The following TRPC1 variants were observed in gnomAD, a reference collection of about 807,000 sequenced individuals.
TRPC1 encodes transient receptor potential cation channel subfamily C member 1, also known as short transient receptor potential channel 1.
Under a neutral mutation model 88.2 loss-of-function variants are expected in TRPC1, and 42 were observed. That is an observed-to-expected ratio of 0.48 (90% confidence interval 0.37 to 0.62). The LOEUF (loss-of-function observed/expected upper bound fraction) is 0.62, where lower values mean the gene tolerates loss of function less well. Among genes scored for constraint, TRPC1 ranks in the 20% least tolerant of loss-of-function variants. The probability of loss-of-function intolerance (pLI) is 0.00; values close to 1 mark genes in which losing one functional copy is unlikely to be tolerated. For missense variants in TRPC1, 699 were observed against 957.3 expected (o/e 0.73, Z 3.56); for synonymous variants, 288 against 331.8 (o/e 0.87, Z 1.43).
At chr3:142,785,781 G>A (rs967613435) in intron 7 of TRPC1, among the ~76,000 whole-genome samples, 1 of 152,144 alleles carries the variant, frequency 6.6e-6, no homozygotes, top group African/African-American at 2.4e-5. Context: ...TTATAGGCCT[G>A]AGCCACCGTG....
intron 1 of TRPC1, among the ~76,000 whole-genome samples, chr3:142,735,199 A>G (rs1183960167): frequency 1.3e-5 from 2 of 152,218 alleles, no homozygotes; most frequent in Admixed American, 6.5e-5. Flanking sequence ...AAGAAGTTGT[A>G]TGTGTGAGGC....
Position 142,806,216 on chromosome 3 carries a change from T to G in TRPC1, c.2363T>G (p.Met788Arg), listed in dbSNP as rs138274692. 9 of 1,602,472 alleles carry G rather than the reference T, an allele frequency of 5.6e-6. No individual in the cohort carries two copies. Among genetic ancestry groups the G allele is most frequent in the Non-Finnish European group, 6.8e-6 (8 of 1,171,196 alleles). ...LLGFRTSKYA[M>R]FYPRN is the part of the protein sequence containing the mutation. Reference sequence around the variant, plus strand: ...GGCTTTCGGACTTCTAAATATGCTATGTTTTATCCAAGAAATTAACCATTT... The same window carrying G: ...GGCTTTCGGACTTCTAAATATGCTAGGTTTTATCCAAGAAATTAACCATTT... The change falls in exon 13 of 13, where the codon ATG (methionine) becomes AGG (arginine). Residue 788 changes from methionine to arginine, a missense_variant. Transcript: ENST00000476941.
chr3:142,763,655 A>G (rs1353559234), intron 4 of TRPC1, among the ~76,000 whole-genome samples: 2 of 151,982 alleles, frequency 1.3e-5, no homozygotes, highest in Non-Finnish European at 2.9e-5. Flanking sequence ...TAATTGGACA[A>G]TTGAGACCAT....
At chr3:142,756,241 T>C (rs2108062814) in intron 4 of TRPC1, among the ~76,000 whole-genome samples, 1 of 152,356 alleles carries the variant, frequency 6.6e-6, no homozygotes, top group South Asian at 2.1e-4. Flanking sequence ...TTTTTATTTT[T>C]GTTGGGTAGA....
rs542372456 is a variant in TRPC1 at position 142,748,855 on chromosome 3, A to G, written c.632+395A>G. On this transcript the variant is annotated intron_variant, in intron 4 of 12. Transcript: ENST00000476941. Reference sequence around the variant, plus strand: ...CTAAGTATTGACCTTTTATGCCTCTATCTTCCCCTCTCACACAATGTTCAA... The same window carrying G: ...CTAAGTATTGACCTTTTATGCCTCTGTCTTCCCCTCTCACACAATGTTCAA... Among the ~76,000 whole-genome samples the G allele has an allele frequency of 3.3e-5, 5 of 152,322 alleles. No individual in the cohort carries two copies. The East Asian group carries it at 7.7e-4, about 23-fold the overall frequency.
intron 4 of TRPC1, among the ~76,000 whole-genome samples, chr3:142,751,296 C>G (rs1408009336): frequency 1.3e-5 from 2 of 152,058 alleles, no homozygotes; most frequent in African/African-American, 2.4e-5. Flanking sequence ...ACAGGTATAC[C>G]ATTTTTTAAT....
chr3:142,766,037 A>G (rs1200218008), intron 4 of TRPC1, among the ~76,000 whole-genome samples: 1 of 133,678 alleles, frequency 7.5e-6, no homozygotes. Context: ...ATTAAGAAGT[A>G]AAAAAAAAAA....
At chr3:142,744,829 T>C (rs2108038402) in intron 3 of TRPC1, among the ~76,000 whole-genome samples, 1 of 152,316 alleles carries the variant, frequency 6.6e-6, no homozygotes, top group Admixed American at 6.5e-5. Context: ...TGTTTTTTAA[T>C]CAAATTTTAA....
At chr3:142,728,384 T>C (rs1007683118) in intron 1 of TRPC1, among the ~76,000 whole-genome samples, 18 of 150,296 alleles carry the variant, frequency 1.2e-4, no homozygotes, top group African/African-American at 4.2e-4. Flanking sequence ...CAGGCTGGAG[T>C]GCAGTGCAAC....
chr3:142,732,419 T>A (rs1396781135), intron 1 of TRPC1, among the ~76,000 whole-genome samples: 23 of 152,138 alleles, frequency 1.5e-4, no homozygotes. Flanking sequence ...CACTTAAGTG[T>A]TTTGTTCAAG....
rs1423190704 is a variant in TRPC1, at chr3:142,784,775, C to T, written c.1032C>T (p.Arg344=). Residue 344 remains arginine (R), a synonymous_variant, in exon 7 of 13, where the codon CGC becomes CGT. Coordinates refer to ENST00000476941, the MANE Select transcript of TRPC1 (RefSeq NM_001251845.2). ...VWFGQMSGYR[R]KPTCKKIMTV... is the part of the protein sequence containing the mutation. ...TTGGACAGATGTCGGGTTACCGACG[C>T]AAGCCCACCTGTAAGAAGATAATGA... is the stretch of plus-strand genomic sequence containing the variant. The T allele has an allele frequency of 1.9e-6, 3 of 1,614,158 alleles. No individual in the cohort carries two copies. Among genetic ancestry groups the T allele is most frequent in the Non-Finnish European group, 2.5e-6 (3 of 1,180,008 alleles).
intron 2 of TRPC1, among the ~76,000 whole-genome samples, chr3:142,742,933 C>G (rs564670838): frequency 6.6e-6 from 1 of 152,264 alleles, no homozygotes; most frequent in South Asian, 2.1e-4. Context: ...GTGGCTTATA[C>G]TTGATAAAAT....
At chr3:142,753,859 C>T (rs1018322200) in intron 4 of TRPC1, among the ~76,000 whole-genome samples, 1 of 152,058 alleles carries the variant, frequency 6.6e-6, no homozygotes, top group African/African-American at 2.4e-5. Flanking sequence ...TTTTGGGAGG[C>T]CAAGGCGGGT....
At chr3:142,762,023 G>A (rs6798670) in intron 4 of TRPC1, among the ~76,000 whole-genome samples, 10,650 of 151,514 alleles carry the variant, frequency 0.07, 1,218 homozygotes, top group African/African-American at 0.24. Context: ...TCATTTCATT[G>A]ATCTTCTGTG....
chr3:142,784,989 A>G lies in TRPC1; in HGVS notation c.1246A>G (p.Met416Val), dbSNP rs145257212. ...LVYNEDKKNT[M>V]GPALERIDYL... is the part of the protein sequence containing the mutation. ...CTACAATGAGGATAAGAAAAACACA[A>G]TGGGGCCAGCCCTTGAAAGAATAGA... The change falls in exon 7 of 13, where the codon ATG (methionine) becomes GTG (valine). Residue 416 changes from methionine (M) to valine (V), a missense_variant. Coordinates refer to ENST00000476941, the MANE Select transcript of TRPC1 (RefSeq NM_001251845.2). The G allele has an allele frequency of 1.2e-6, 2 of 1,613,578 alleles. No homozygotes were observed. Among genetic ancestry groups the G allele is most frequent in the African/African-American group, 1.3e-5 (1 of 74,940 alleles).
chr3:142,732,078 A>G (rs1425619338), intron 1 of TRPC1, among the ~76,000 whole-genome samples: 2 of 152,166 alleles, frequency 1.3e-5, no homozygotes, highest in African/African-American at 4.8e-5. Flanking sequence ...CCCCTGTGCT[A>G]CAGTATAAAG....
At chr3:142,794,303 G>C (rs952537797) in intron 9 of TRPC1, among the ~76,000 whole-genome samples, 17 of 151,732 alleles carry the variant, frequency 1.1e-4, no homozygotes, top group African/African-American at 4.1e-4. Context: ...TTTCTATACT[G>C]GAAATTTCTT....
intron 10 of TRPC1, among the ~76,000 whole-genome samples, chr3:142,803,508 G>T (rs1936686734): frequency 6.6e-6 from 1 of 151,986 alleles, no homozygotes; most frequent in African/African-American, 2.4e-5. Flanking sequence ...GTTATTTGAA[G>T]GTTTTGAGCA....
Position 142,785,130 on chromosome 3 carries a change from T to G in TRPC1, c.1297+90T>G, listed in dbSNP as rs76057614. The G allele has an allele frequency of 1.3e-4, 165 of 1,234,834 alleles. No homozygotes were observed. In the Middle Eastern group the frequency reaches 2.3e-3, roughly 17 times the overall value. The allele number at this position is 1,234,834 out of a possible 1,614,324, so 76.5% of individuals were successfully genotyped here. On this transcript the variant is annotated intron_variant, in intron 7 of 12. Transcript: ENST00000476941. ...TGGCATTGTGAATATTGGGTTCAAT[T>G]TGCAATTTTACACTGTTCACACCAC... is the stretch of plus-strand genomic sequence containing the variant.
Sources: allele counts gnomAD v4.1 joint callset (sites outside exome capture counted in the v4.1 genomes callset), GRCh38; gene constraint gnomAD v4.1.1; transcripts MANE v1.5; gene names NCBI Gene and HGNC (gene_info 2026-07-23, HGNC 2026-07-21).